The following WWOX variants were observed in gnomAD, a reference collection of about 807,000 sequenced individuals.
WWOX encodes WW domain-containing oxidoreductase.
Under a neutral mutation model 46.2 loss-of-function variants are expected in WWOX, and 69 were observed. That is an observed-to-expected ratio of 1.49 (90% CI 1.23 to 1.82). The LOEUF (loss-of-function observed/expected upper bound fraction) is 1.82. WWOX is among the 40% of genes most tolerant of loss of function. The probability of loss-of-function intolerance (pLI) is 0.00; values close to 1 mark genes in which losing one functional copy is unlikely to be tolerated. For synonymous variants in WWOX, 359 were observed against 202.6 expected, an observed-to-expected ratio of 1.77 and a Z score of -6.56; for missense variants, 919 against 542.6, an observed-to-expected ratio of 1.69 and a Z score of -6.89.
chr16:78,343,620 C>A (rs890298562), intron 5 of WWOX, among the ~76,000 whole-genome samples: 1 of 120,908 alleles, frequency 8.3e-6, no homozygotes, highest in Admixed American at 8.1e-5. Flanking sequence ...GATATGGAAA[C>A]GTGGCTTCAT....
rs377582521 is a variant in WWOX, at chr16:78,460,028, A to C, written c.1056+27276A>C. On this transcript the variant is annotated intron_variant, in intron 8 of 8. Transcript: ENST00000566780. ...CACCATGTTGTTCAGGCTAGTGTTGAACTCCTGGGCTCAAGCAATCCGCCC... is the reference window on the plus strand; with the variant it reads ...CACCATGTTGTTCAGGCTAGTGTTGCACTCCTGGGCTCAAGCAATCCGCCC... 5.6e-4 allele frequency among the ~76,000 whole-genome samples: 83 copies of C among 148,052 alleles called. No individual in the cohort carries two copies. The South Asian group carries it at 0.012, about 21-fold the overall frequency.
At chr16:79,191,320 T>A (rs1373648522) in intron 8 of WWOX, among the ~76,000 whole-genome samples, 1 of 152,184 alleles carries the variant, frequency 6.6e-6, no homozygotes, top group African/African-American at 2.4e-5. Flanking sequence ...CCTCCCAAAG[T>A]GCTGGGATCA....
At chr16:79,205,485 C>T (rs1333876340) in intron 8 of WWOX, 2 of 152,212 alleles carry the variant, frequency 1.3e-5, no homozygotes, top group Non-Finnish European at 2.9e-5. Context: ...ATGTTCTCTT[C>T]TGGAGGGCTA....
intron 4 of WWOX, among the ~76,000 whole-genome samples, chr16:78,126,004 T>G (rs984682790): frequency 6.6e-6 from 1 of 152,204 alleles, no homozygotes; most frequent in African/African-American, 2.4e-5. Context: ...AGTATACTAT[T>G]AATATTTAGC....
intron 8 of WWOX, among the ~76,000 whole-genome samples, chr16:79,065,290 C>G (rs1045640055): frequency 6.6e-6 from 1 of 152,132 alleles, no homozygotes; most frequent in Non-Finnish European, 1.5e-5. Context: ...TTAATTAACA[C>G]AAGTCCAGCC....
intron 8 of WWOX, among the ~76,000 whole-genome samples, chr16:78,467,711 A>C (rs1451644350): frequency 1.3e-5 from 2 of 152,250 alleles, no homozygotes; most frequent in Admixed American, 6.5e-5. Flanking sequence ...TCTGTTCAGA[A>C]GTATAAGGAA....
intron 8 of WWOX, among the ~76,000 whole-genome samples, chr16:79,002,191 T>C (rs1443346088): frequency 6.6e-6 from 1 of 151,176 alleles, no homozygotes; most frequent in Non-Finnish European, 1.5e-5. Flanking sequence ...ATCTGAAATT[T>C]AGATTTCCTT....
At position 78,219,957 on chromosome 16, in the gene WWOX, A is replaced by G. The variant is rs191021280; in HGVS notation, c.516+55668A>G. 2.4e-3 allele frequency among the ~76,000 whole-genome samples: 363 copies of G among 152,352 alleles called. 1 individual carries two copies. The highest frequency in any genetic ancestry group is 8.2e-3 in the African/African-American group (343 of 41,588). ...ATGTATTTGAACTATATATATCACA[A>G]TAAAGCTATAATACTCTTTTAAAGT... On this transcript the variant is annotated intron_variant, in intron 5 of 8. Coordinates refer to ENST00000566780, the MANE Select transcript of WWOX (RefSeq NM_016373.4).
chr16:78,971,551 G>T (rs1473882773), intron 8 of WWOX, among the ~76,000 whole-genome samples: 1 of 151,894 alleles, frequency 6.6e-6, no homozygotes, highest in African/African-American at 2.4e-5. Context: ...CACTCTAATG[G>T]ATCCCTGACG....
rs1045835140 is a variant in WWOX, at chr16:78,655,441, G to T, written c.1056+222689G>T. ...TCCATAATGTTTTTAGAAGTTAGAA[G>T]ATTTAAATATATGAATCTCATCTGA... is the stretch of plus-strand genomic sequence containing the variant. On this transcript the variant is annotated intron_variant, in intron 8 of 8. Transcript: ENST00000566780. 2.0e-5 allele frequency among the ~76,000 whole-genome samples: 3 copies of T among 152,174 alleles called. No homozygotes were observed. In the South Asian group the frequency reaches 6.2e-4, roughly 31 times the overall value.
At chr16:78,399,113 A>C (rs1385678902) in intron 6 of WWOX, among the ~76,000 whole-genome samples, 4 of 150,670 alleles carry the variant, frequency 2.7e-5, no homozygotes, top group Non-Finnish European at 5.9e-5. Context: ...GGGATGCAAG[A>C]GGTAAGTACA....
At chr16:78,242,109 C>T (rs944426962) in intron 5 of WWOX, among the ~76,000 whole-genome samples, 1 of 152,196 alleles carries the variant, frequency 6.6e-6, no homozygotes, top group African/African-American at 2.4e-5. Flanking sequence ...AGAATTGCGA[C>T]GTCGGCCTAA....
chr16:78,943,020 T>A (rs2045881868), intron 8 of WWOX, among the ~76,000 whole-genome samples: 1 of 152,250 alleles, frequency 6.6e-6, no homozygotes, highest in African/African-American at 2.4e-5. Context: ...TTTCTGCGTT[T>A]ATTTTTGCTT....
chr16:78,822,196 C>T (rs533363561), intron 8 of WWOX, among the ~76,000 whole-genome samples: 1 of 151,706 alleles, frequency 6.6e-6, no homozygotes, highest in African/African-American at 2.4e-5. Context: ...TCTTTAGTGT[C>T]AAAAAATCTA....
chr16:78,672,777 C>G (rs762623123), intron 8 of WWOX, among the ~76,000 whole-genome samples: 1 of 152,200 alleles, frequency 6.6e-6, no homozygotes, highest in African/African-American at 2.4e-5. Flanking sequence ...CTGATTATGG[C>G]CTGACAGCTC....
chr16:78,627,292 C>T (rs565666275), intron 8 of WWOX, among the ~76,000 whole-genome samples: 14 of 152,292 alleles, frequency 9.2e-5, no homozygotes, highest in Non-Finnish European at 1.9e-4. Flanking sequence ...GCCAACTAGT[C>T]TGGTCTTAAA....
At chr16:78,578,341 G>C (rs1224459699) in intron 8 of WWOX, among the ~76,000 whole-genome samples, 2 of 126,624 alleles carry the variant, frequency 1.6e-5, no homozygotes, top group Non-Finnish European at 1.6e-5. Context: ...CCAGGCTGGA[G>C]TGCAGTGGCG....
chr16:78,835,503 ACTGAATACC>A (rs1382696129), intron 8 of WWOX, among the ~76,000 whole-genome samples: 2 of 152,238 alleles, frequency 1.3e-5, no homozygotes, highest in African/African-American at 4.8e-5. Flanking sequence ...GTGGAGTGAT[ACTGAATACC>A]CCGTAAAATC....
chr16:78,993,083 G>A lies in WWOX; in HGVS notation c.1057-218525G>A, dbSNP rs564876477. Among the ~76,000 whole-genome samples, 4 of 151,716 alleles carry A rather than the reference G, an allele frequency of 2.6e-5. No homozygotes were observed. In the South Asian group the frequency reaches 8.3e-4, roughly 32 times the overall value. ...AATGCACATTTTCCCCTTCTTTCGG[G>A]GAGGAAATTTAACTTTTGTGGAAAT... is the stretch of plus-strand genomic sequence containing the variant. On this transcript the variant is annotated intron_variant, in intron 8 of 8. Coordinates refer to ENST00000566780, the MANE Select transcript of WWOX (RefSeq NM_016373.4).
Sources: gnomAD v4.1 joint callset for allele counts (sites outside exome capture counted in the v4.1 genomes callset) on GRCh38, gnomAD v4.1.1 for gene constraint, MANE v1.5 for transcripts, NCBI Gene and HGNC (gene_info 2026-07-23, HGNC 2026-07-21) for gene names.